TMEFF1: variants seen among roughly 807,000 people sequenced by gnomAD.
The protein encoded by TMEFF1 is transmembrane protein with EGF like and two follistatin like domains 1.
A neutral mutation model predicts 47.5 loss-of-function variants in TMEFF1; 20 were observed. The ratio of observed to expected loss-of-function variants is 0.42; its 90% confidence interval spans 0.30 to 0.61. TMEFF1 has a LOEUF of 0.61. Among genes scored for constraint, TMEFF1 ranks in the 20% least tolerant of loss-of-function variants. The probability of loss-of-function intolerance (pLI) is 0.19; values close to 1 mark genes in which losing one functional copy is unlikely to be tolerated. For synonymous variants in TMEFF1, 162 were observed against 166.3 expected, an observed-to-expected ratio of 0.97 and a Z score of 0.20; for missense variants, 411 against 471.1, an observed-to-expected ratio of 0.87 and a Z score of 1.18.
At chr9:100,550,055 A>G in intron 6 of TMEFF1, 40 bp from the exon 7 acceptor site, 4 of 1,591,852 alleles carry the variant, frequency 2.5e-6, no homozygotes, top group Non-Finnish European at 3.4e-6. Flanking sequence ...TGACTTAACC[A>G]TTGTATATAT....
chr9:100,526,586 A>G (rs1838256018), intron 5 of TMEFF1, among the ~76,000 whole-genome samples: 1 of 152,122 alleles, frequency 6.6e-6, no homozygotes, highest in Admixed American at 6.5e-5. Flanking sequence ...CTTTACTTTT[A>G]TAAAGATTGC....
chr9:100,576,364 C>A, intron 9 of TMEFF1, 152 bp from the exon 10 acceptor site: 1 of 983,922 alleles, frequency 1.0e-6, no homozygotes, highest in Non-Finnish European at 1.5e-6. Context: ...TTCATCTTGT[C>A]TTGCAACAGA....
At chr9:100,481,822 A>C (rs1295496941) in intron 1 of TMEFF1, among the ~76,000 whole-genome samples, 1 of 151,992 alleles carries the variant, frequency 6.6e-6, no homozygotes, top group African/African-American at 2.4e-5. Context: ...TAGCTCTGTC[A>C]CCGGGCTGGA....
At chr9:100,519,647 CTTTTTTTTTTTT>C (rs60569330) in intron 5 of TMEFF1, among the ~76,000 whole-genome samples, 19 of 65,170 alleles carry the variant, frequency 2.9e-4, no homozygotes, top group South Asian at 1.4e-3. Context: ...TGCCCAGTGA[CTTTTTTTTTTTT>C]TTTTTTTTTT....
chr9:100,519,386 G>A lies in TMEFF1; in HGVS notation c.560+2615G>A, dbSNP rs559052636. On this transcript the variant is annotated intron_variant, in intron 5 of 9. Transcript: ENST00000374879. ...TTGCGCCACTGTACTCCAGCCTGGC[G>A]ATGGAGTGAGACTCCATCTCAAAAG... Among the ~76,000 whole-genome samples the A allele has an allele frequency of 1.3e-4, 19 of 151,764 alleles. No homozygotes were observed. The South Asian group carries it at 4.0e-3, about 32-fold the overall frequency.
chr9:100,509,991 G>C (rs1400009772), intron 3 of TMEFF1, among the ~76,000 whole-genome samples: 1 of 152,138 alleles, frequency 6.6e-6, no homozygotes, highest in Non-Finnish European at 1.5e-5. Flanking sequence ...AGAGATGCCG[G>C]TGAGGTAACT....
chr9:100,523,230 C>T (rs1236728935), intron 5 of TMEFF1, among the ~76,000 whole-genome samples: 7 of 152,214 alleles, frequency 4.6e-5, no homozygotes, highest in Non-Finnish European at 1.0e-4. Context: ...CTTATTTTAA[C>T]TCCTATTCCT....
At chr9:100,529,265 C>T (rs1429153091) in intron 5 of TMEFF1, among the ~76,000 whole-genome samples, 5 of 150,428 alleles carry the variant, frequency 3.3e-5, no homozygotes, top group East Asian at 2.0e-4. Flanking sequence ...TGTAAATGGA[C>T]TAAATGCTCC....
At chr9:100,530,512 T>TA (rs1239773432) in intron 5 of TMEFF1, among the ~76,000 whole-genome samples, 1 of 152,144 alleles carries the variant, frequency 6.6e-6, no homozygotes, top group Non-Finnish European at 1.5e-5. Flanking sequence ...CCTCGACACA[T>TA]ACACCCTCCC....
At chr9:100,554,160 A>G (rs1300110910) in intron 7 of TMEFF1, among the ~76,000 whole-genome samples, 3 of 152,180 alleles carry the variant, frequency 2.0e-5, no homozygotes, top group African/African-American at 7.2e-5. Flanking sequence ...GGCCAGGGAT[A>G]CCTGAGATAG....
intron 5 of TMEFF1, among the ~76,000 whole-genome samples, chr9:100,522,220 T>C (rs1838173860): frequency 6.6e-6 from 1 of 152,206 alleles, no homozygotes; most frequent in Non-Finnish European, 1.5e-5. Context: ...TAATCAGAGA[T>C]GGCAGTAATT....
chr9:100,489,305 G>A (rs1837507787), intron 1 of TMEFF1, among the ~76,000 whole-genome samples: 1 of 151,946 alleles, frequency 6.6e-6, no homozygotes. Flanking sequence ...CCTCCGGCTC[G>A]TGATTCTCCT....
rs541768582 is a variant in TMEFF1, at chr9:100,505,050, A to G, written c.307-3955A>G. 3.9e-5 allele frequency among the ~76,000 whole-genome samples: 6 copies of G among 152,326 alleles called. No homozygotes were observed. The East Asian group carries it at 1.2e-3, about 29-fold the overall frequency. On this transcript the variant is annotated intron_variant, in intron 2 of 9. Transcript: ENST00000374879. ...TATTTCAGAATGTAAATGCTTAGGT[A>G]TGATTACCATAGAAGAAAATACAGT...
rs151184930 is a variant in TMEFF1, at chr9:100,519,301, G to A, written c.560+2530G>A. ...CATGCACCTGTAGTCCCAGCTACTC[G>A]GGAGGCTGAGGCAGGAGAATTGCTT... On this transcript the variant is annotated intron_variant, in intron 5 of 9. Coordinates refer to ENST00000374879, the MANE Select transcript of TMEFF1 (RefSeq NM_003692.5). Among the ~76,000 whole-genome samples, 62 of 152,044 alleles carry A rather than the reference G, an allele frequency of 4.1e-4. No homozygotes were observed. The East Asian group carries it at 0.011, about 27-fold the overall frequency.
chr9:100,522,494 G>A (rs571869096), intron 5 of TMEFF1, among the ~76,000 whole-genome samples: 31 of 142,462 alleles, frequency 2.2e-4, no homozygotes, highest in Admixed American at 4.4e-4. Context: ...CCGGAGTGGA[G>A]TGGCACAATC....
chr9:100,523,942 G>T (rs1838211414), intron 5 of TMEFF1, among the ~76,000 whole-genome samples: 1 of 152,110 alleles, frequency 6.6e-6, no homozygotes, highest in African/African-American at 2.4e-5. Context: ...ATTCATTTAT[G>T]TATGTATATA....
At chr9:100,504,541 C>T (rs1044655840) in intron 2 of TMEFF1, among the ~76,000 whole-genome samples, 3 of 152,160 alleles carry the variant, frequency 2.0e-5, no homozygotes, top group Admixed American at 6.5e-5. Flanking sequence ...ATGATACTAG[C>T]AATAGCAAAA....
At chr9:100,502,659 G>A (rs961072277) in intron 2 of TMEFF1, among the ~76,000 whole-genome samples, 2 of 152,148 alleles carry the variant, frequency 1.3e-5, no homozygotes, top group Non-Finnish European at 2.9e-5. Flanking sequence ...GCTATGCCCA[G>A]CCCTGCTTTT....
At chr9:100,507,625 G>T (rs931895246) in intron 2 of TMEFF1, among the ~76,000 whole-genome samples, 1 of 152,036 alleles carries the variant, frequency 6.6e-6, no homozygotes. Context: ...ATTTTTTCAT[G>T]TTTATTGGTC....
Sources: gnomAD v4.1 joint callset for allele counts (sites outside exome capture counted in the v4.1 genomes callset) on GRCh38, gnomAD v4.1.1 for gene constraint, MANE v1.5 for transcripts, NCBI Gene and HGNC (gene_info 2026-07-23, HGNC 2026-07-21) for gene names.